PALM2AKAP2: variants seen among roughly 807,000 people sequenced by gnomAD.
The protein encoded by PALM2AKAP2 is PALM2 and AKAP2 fusion, also known as PALM2-AKAP2 fusion protein.
PALM2AKAP2 carries 37 observed loss-of-function variants against 71.5 expected under a neutral mutation model. The ratio of observed to expected loss-of-function variants is 0.52; its 90% CI spans 0.40 to 0.68. The LOEUF (loss-of-function observed/expected upper bound fraction) is 0.68, where lower values mean the gene tolerates loss of function less well. PALM2AKAP2 is among the 30% of genes least tolerant of loss of function. The pLI, the probability that PALM2AKAP2 is intolerant of heterozygous loss-of-function variation, is 0.00. For missense variants in PALM2AKAP2, 1,224 were observed against 1,191.8 expected (o/e 1.03, Z -0.40); for synonymous variants, 468 against 478.8 (o/e 0.98, Z 0.29).
intron 1 of PALM2AKAP2, among the ~76,000 whole-genome samples, chr9:110,091,514 G>C (rs1202242795): frequency 6.9e-6 from 1 of 144,334 alleles, no homozygotes; most frequent in South Asian, 2.2e-4. Context: ...CCAGGCTGGG[G>C]TGCAGTAGCA....
intron 1 of PALM2AKAP2, among the ~76,000 whole-genome samples, chr9:110,092,317 G>A (rs1250451590): frequency 6.6e-6 from 1 of 152,052 alleles, no homozygotes; most frequent in Non-Finnish European, 1.5e-5. Context: ...GAGTGACAGA[G>A]TGAGACTCCG....
At chr9:110,001,886 A>G (rs62580196) in intron 6 of PALM2AKAP2, among the ~76,000 whole-genome samples, 12 of 152,066 alleles carry the variant, frequency 7.9e-5, no homozygotes, top group Admixed American at 6.6e-5. Flanking sequence ...CTTTGCTGAA[A>G]TTGCTTATCA....
At chr9:109,939,074 T>G (rs571797663) in intron 6 of PALM2AKAP2, among the ~76,000 whole-genome samples, 1 of 152,050 alleles carries the variant, frequency 6.6e-6, no homozygotes, top group African/African-American at 2.4e-5. Context: ...ACCTAATTTA[T>G]ATCTCCACTA....
intron 1 of PALM2AKAP2, among the ~76,000 whole-genome samples, chr9:109,786,488 A>ATGAC (rs1369124903): frequency 6.6e-6 from 1 of 152,240 alleles, no homozygotes; most frequent in Non-Finnish European, 1.5e-5. Context: ...AGAGATGCAG[A>ATGAC]TGACACCCTG....
chr9:109,883,061 C>T (rs1227622144), intron 3 of PALM2AKAP2, among the ~76,000 whole-genome samples: 2 of 152,062 alleles, frequency 1.3e-5, no homozygotes, highest in Non-Finnish European at 2.9e-5. Flanking sequence ...GGTGGTAACT[C>T]GCACTTGTAG....
intron 1 of PALM2AKAP2, among the ~76,000 whole-genome samples, chr9:110,075,998 C>T (rs1022919085): frequency 6.6e-6 from 1 of 151,988 alleles, no homozygotes; most frequent in Middle Eastern, 3.2e-3. Flanking sequence ...GGAAATTTGA[C>T]ATTGATACAA....
At chr9:109,700,120 A>T (rs1193467797) in intron 1 of PALM2AKAP2, among the ~76,000 whole-genome samples, 5 of 152,136 alleles carry the variant, frequency 3.3e-5, no homozygotes, top group Non-Finnish European at 7.4e-5. Flanking sequence ...GAAGGAAGAG[A>T]TATAAATACC....
At chr9:109,736,980 T>C (rs1242200241) in intron 1 of PALM2AKAP2, among the ~76,000 whole-genome samples, 1 of 152,248 alleles carries the variant, frequency 6.6e-6, no homozygotes, top group Non-Finnish European at 1.5e-5. Context: ...GCCTTGGCCA[T>C]GCTAATCTTT....
intron 1 of PALM2AKAP2, among the ~76,000 whole-genome samples, chr9:109,856,060 G>A (rs1829156000): frequency 1.3e-5 from 2 of 152,170 alleles, no homozygotes; most frequent in Admixed American, 1.3e-4. Context: ...CTCTTATTAG[G>A]TGGTTGAGTT....
rs554863240 is a variant in PALM2AKAP2 at position 110,056,198 on chromosome 9, C to T, written c.156+7343C>T. On this transcript the variant is annotated intron_variant, in intron 1 of 3. Transcript: ENST00000374525. ...GTAGAAGGTGTGAGGAAGGCCAAAC[C>T]ACATTTTCCTGGCAGTGGTTAACTG... 2.0e-5 allele frequency among the ~76,000 whole-genome samples: 3 copies of T among 152,254 alleles called. No individual in the cohort carries two copies. In the East Asian group the frequency reaches 5.8e-4, roughly 29 times the overall value.
chr9:109,799,718 C>T (rs1827367228), intron 1 of PALM2AKAP2, among the ~76,000 whole-genome samples: 1 of 152,174 alleles, frequency 6.6e-6, no homozygotes, highest in African/African-American at 2.4e-5. Context: ...TTGTCTCGAA[C>T]TCCTGGGCTC....
chr9:109,894,341 AAAAC>A (rs1242358188), intron 3 of PALM2AKAP2, among the ~76,000 whole-genome samples: 8 of 152,324 alleles, frequency 5.3e-5, no homozygotes, highest in Non-Finnish European at 1.0e-4. Context: ...TCCATCTCAA[AAAAC>A]AAACAAACAA....
At chr9:109,720,531 T>C (rs955046748) in intron 1 of PALM2AKAP2, among the ~76,000 whole-genome samples, 2 of 152,026 alleles carry the variant, frequency 1.3e-5, no homozygotes, top group African/African-American at 2.4e-5. Context: ...GTTGAAGCCA[T>C]GGATGAGGTT....
intron 1 of PALM2AKAP2, among the ~76,000 whole-genome samples, chr9:109,795,015 C>T (rs114011755): frequency 0.01 from 1,579 of 152,318 alleles, 34 homozygotes; most frequent in African/African-American, 0.036. Flanking sequence ...TACTTCTGAG[C>T]AGCTGCTTGG....
chr9:109,685,342 C>G (rs1416769657), intron 1 of PALM2AKAP2, among the ~76,000 whole-genome samples: 1 of 152,088 alleles, frequency 6.6e-6, no homozygotes, highest in Admixed American at 6.6e-5. Flanking sequence ...TTTTTACTTG[C>G]TGTAAAACTT....
chr9:110,011,224 G>A (rs139812385), intron 6 of PALM2AKAP2, among the ~76,000 whole-genome samples: 1,496 of 147,538 alleles, frequency 0.01, 26 homozygotes, highest in African/African-American at 0.036. Context: ...TAGGATTTAT[G>A]TATATTTCTA....
At chr9:110,026,999 C>A (rs780758640) in intron 7 of PALM2AKAP2, among the ~76,000 whole-genome samples, 1 of 152,060 alleles carries the variant, frequency 6.6e-6, no homozygotes, top group African/African-American at 2.4e-5. Flanking sequence ...GCCGAGATCG[C>A]GCCACTGCAC....
At chr9:110,034,604 CTTTTTT>C (rs57708385) in intron 7 of PALM2AKAP2, among the ~76,000 whole-genome samples, 1 of 118,334 alleles carries the variant, frequency 8.5e-6, no homozygotes, top group African/African-American at 3.5e-5. Flanking sequence ...ATATATTCCC[CTTTTTT>C]TTTTTTTTTT....
intron 6 of PALM2AKAP2, among the ~76,000 whole-genome samples, chr9:109,997,009 T>G (rs1312550878): frequency 1.3e-5 from 2 of 152,084 alleles, no homozygotes; most frequent in African/African-American, 4.8e-5. Context: ...GCGAACGTGG[T>G]GAGACCCCAT....
Sources: gnomAD v4.1 joint callset for allele counts (sites outside exome capture counted in the v4.1 genomes callset) on GRCh38, gnomAD v4.1.1 for gene constraint, MANE v1.5 for transcripts, NCBI Gene and HGNC (gene_info 2026-07-23, HGNC 2026-07-21) for gene names.